The following SH3RF3 variants were observed in gnomAD, a reference collection of about 807,000 sequenced individuals.
SH3RF3 encodes the protein E3 ubiquitin-protein ligase SH3RF3.
In SH3RF3, 29 loss-of-function variants were observed where a neutral mutation model predicts 66.3. That is an observed-to-expected ratio of 0.44 (90% CI 0.33 to 0.60). The LOEUF is 0.60. SH3RF3 is among the 20% of genes least tolerant of loss of function. SH3RF3 has a pLI of 0.04. For synonymous variants in SH3RF3, 583 were observed against 532.0 expected, an observed-to-expected ratio of 1.10 and a Z score of -1.32; for missense variants, 1,194 against 1,190.9, an observed-to-expected ratio of 1.00 and a Z score of -0.04.
chr2:109,403,242 C>T (rs1402317619), intron 4 of SH3RF3, among the ~76,000 whole-genome samples: 2 of 152,224 alleles, frequency 1.3e-5, no homozygotes, highest in Non-Finnish European at 2.9e-5. Context: ...GGCTGGCCTC[C>T]TCCCCGCAGC....
At chr2:109,448,914 T>TC (rs1677785647) in intron 7 of SH3RF3, among the ~76,000 whole-genome samples, 1 of 152,146 alleles carries the variant, frequency 6.6e-6, no homozygotes. Flanking sequence ...CTGTTTTAGC[T>TC]CCACCTGAGG....
chr2:109,475,871 T>C (rs1678668532), intron 8 of SH3RF3, among the ~76,000 whole-genome samples: 1 of 152,206 alleles, frequency 6.6e-6, no homozygotes, highest in African/African-American at 2.4e-5. Context: ...ATTGATTACC[T>C]TAAGCAACTC....
chr2:109,210,075 G>T (rs1678937172), intron 1 of SH3RF3, among the ~76,000 whole-genome samples: 1 of 152,138 alleles, frequency 6.6e-6, no homozygotes, highest in African/African-American at 2.4e-5. Flanking sequence ...TTTGTGTCTG[G>T]CTTATTTCAT....
chr2:109,186,653 A>C (rs1466100046), intron 1 of SH3RF3, among the ~76,000 whole-genome samples: 1 of 152,090 alleles, frequency 6.6e-6, no homozygotes, highest in Non-Finnish European at 1.5e-5. Context: ...GGAGCCCCCT[A>C]GGAAGACCCT....
chr2:109,353,458 G>A (rs115546017), intron 2 of SH3RF3, among the ~76,000 whole-genome samples: 1,908 of 152,322 alleles, frequency 0.013, 41 homozygotes, highest in African/African-American at 0.038. Flanking sequence ...TCATAGTCAC[G>A]TGACACCGCC....
intron 1 of SH3RF3, among the ~76,000 whole-genome samples, chr2:109,287,171 G>A (rs1574551423): frequency 6.6e-6 from 1 of 152,256 alleles, no homozygotes; most frequent in East Asian, 1.9e-4. Flanking sequence ...GTGATTATAT[G>A]CCACAGAATT....
chr2:109,245,460 A>G (rs1015112606), intron 1 of SH3RF3, among the ~76,000 whole-genome samples: 5 of 152,222 alleles, frequency 3.3e-5, no homozygotes, highest in African/African-American at 1.2e-4. Context: ...TAATTTGCAC[A>G]TTAGTGCTTC....
intron 2 of SH3RF3, among the ~76,000 whole-genome samples, chr2:109,350,738 C>T (rs1188672047): frequency 6.6e-6 from 1 of 152,244 alleles, no homozygotes; most frequent in African/African-American, 2.4e-5. Context: ...CTCTGACAAC[C>T]TCCATGTGAA....
At chr2:109,355,859 C>T (rs773274107) in intron 2 of SH3RF3, among the ~76,000 whole-genome samples, 1 of 152,190 alleles carries the variant, frequency 6.6e-6, no homozygotes, top group African/African-American at 2.4e-5. Flanking sequence ...CAGCTATTTC[C>T]TCCTTCCTTG....
chr2:109,257,204 A>G (rs1357919752), intron 1 of SH3RF3, among the ~76,000 whole-genome samples: 1 of 152,208 alleles, frequency 6.6e-6, no homozygotes, highest in Non-Finnish European at 1.5e-5. Context: ...TCATGTGGAC[A>G]TGACGGTAAG....
At position 109,129,845 on chromosome 2, in the gene SH3RF3, G is replaced by C; in HGVS notation, c.305G>C (p.Gly102Ala). ...TGCCCCGAGTGCCGCATCCTGGTGG[G>C]CTGCGGCGTGGACGAACTGCCCGCC... is the stretch of plus-strand genomic sequence containing the variant. Reference protein sequence around the residue: ...LRCPECRILVGCGVDELPANI... With the variant: ...LRCPECRILVACGVDELPANI... Residue 102 changes from glycine to alanine, a missense_variant, in exon 1 of 10, where the codon GGC becomes GCC. Gly to Ala is a moderately conservative substitution (Grantham distance 60). Coordinates refer to ENST00000309415, the MANE Select transcript of SH3RF3 (RefSeq NM_001099289.3). The C allele has an allele frequency of 6.5e-7, 1 of 1,531,076 alleles. No individual in the cohort carries two copies. Among genetic ancestry groups the C allele is most frequent in the Non-Finnish European group, 8.7e-7 (1 of 1,143,338 alleles). 94.8% of individuals were successfully genotyped at this position (1,531,076 alleles called of 1,614,324 possible).
At chr2:109,201,304 A>T (rs1230999163) in intron 1 of SH3RF3, among the ~76,000 whole-genome samples, 2 of 151,896 alleles carry the variant, frequency 1.3e-5, no homozygotes, top group Non-Finnish European at 2.9e-5. Flanking sequence ...CCCCAGCCCC[A>T]CTCTCCCACA....
intron 1 of SH3RF3, among the ~76,000 whole-genome samples, chr2:109,210,570 T>C (rs1412192060): frequency 1.3e-5 from 2 of 152,166 alleles, no homozygotes; most frequent in African/African-American, 2.4e-5. Flanking sequence ...GCAAATGGCC[T>C]AAGCAGGTGG....
intron 1 of SH3RF3, among the ~76,000 whole-genome samples, chr2:109,215,075 C>T (rs937697025): frequency 6.6e-6 from 1 of 152,194 alleles, no homozygotes; most frequent in Non-Finnish European, 1.5e-5. Context: ...AAATGAGCAG[C>T]GTTAAACCTT....
intron 5 of SH3RF3, among the ~76,000 whole-genome samples, chr2:109,422,627 C>T (rs966391675): frequency 1.3e-4 from 20 of 152,232 alleles, no homozygotes; most frequent in South Asian, 6.2e-4. Flanking sequence ...GGGGCTTGTC[C>T]GCCATTCCTC....
intron 1 of SH3RF3, among the ~76,000 whole-genome samples, chr2:109,334,687 A>G (rs1163415926): frequency 6.6e-6 from 1 of 152,224 alleles, no homozygotes; most frequent in Non-Finnish European, 1.5e-5. Context: ...GGAGACCCAC[A>G]GACACAGGGA....
intron 3 of SH3RF3, among the ~76,000 whole-genome samples, chr2:109,389,334 C>A (rs973872425): frequency 2.6e-5 from 4 of 152,310 alleles, no homozygotes; most frequent in East Asian, 1.9e-4. Flanking sequence ...CTACTGGAGG[C>A]AATGTCTGTC....
chr2:109,380,670 C>T (rs1054126743), intron 3 of SH3RF3, among the ~76,000 whole-genome samples: 1 of 152,162 alleles, frequency 6.6e-6, no homozygotes, highest in Non-Finnish European at 1.5e-5. Flanking sequence ...GGGCCACAGC[C>T]CACCTTAAAT....
intron 1 of SH3RF3, among the ~76,000 whole-genome samples, chr2:109,286,280 A>G (rs566921788): frequency 6.6e-6 from 1 of 152,308 alleles, no homozygotes; most frequent in East Asian, 1.9e-4. Flanking sequence ...CCTTATGATG[A>G]TGGAAAAGTG....
Sources: gnomAD v4.1 joint callset for allele counts (sites outside exome capture counted in the v4.1 genomes callset) on GRCh38, gnomAD v4.1.1 for gene constraint, MANE v1.5 for transcripts, NCBI Gene and HGNC (gene_info 2026-07-23, HGNC 2026-07-21) for gene names.